ATP10B: variants seen among roughly 807,000 people sequenced by gnomAD.
ATP10B encodes the protein phospholipid-transporting ATPase VB.
ATP10B carries 122 observed loss-of-function variants against 141.2 expected under a neutral mutation model. The observed-to-expected ratio is 0.86, with a 90% CI of 0.75 to 1.00. The LOEUF is 1.00. ATP10B is among the 50% of genes least tolerant of loss of function. The probability of loss-of-function intolerance (pLI) is 0.00; values close to 1 mark genes in which losing one functional copy is unlikely to be tolerated. For missense variants in ATP10B, 1,876 were observed against 1,825.3 expected, an observed-to-expected ratio of 1.03 and a Z score of -0.51; for synonymous variants, 685 against 692.0, an observed-to-expected ratio of 0.99 and a Z score of 0.16.
intron 1 of ATP10B, among the ~76,000 whole-genome samples, chr5:160,823,308 A>T (rs1159149841): frequency 6.6e-6 from 1 of 151,956 alleles, no homozygotes; most frequent in Non-Finnish European, 1.5e-5. Flanking sequence ...CAAACAACAC[A>T]TGTTCATACT....
chr5:160,680,791 C>G (rs1242740654), intron 6 of ATP10B, among the ~76,000 whole-genome samples: 1 of 152,160 alleles, frequency 6.6e-6, no homozygotes, highest in Non-Finnish European at 1.5e-5. Flanking sequence ...AATCCCATCT[C>G]TTGCCCCTAG....
chr5:160,603,749 G>C, intron 20 of ATP10B: 2 of 526,756 alleles, frequency 3.8e-6, no homozygotes, highest in Non-Finnish European at 6.9e-6. Context: ...TAGCAGTCAA[G>C]TTAGTTTGCT....
chr5:160,619,339 A>G (rs545916667), intron 15 of ATP10B, among the ~76,000 whole-genome samples: 5 of 152,260 alleles, frequency 3.3e-5, no homozygotes, highest in African/African-American at 1.2e-4. Flanking sequence ...TGTGACTTCT[A>G]TTGAAGGCAT....
chr5:160,696,528 A>G (rs1764372237), intron 3 of ATP10B, among the ~76,000 whole-genome samples: 1 of 152,158 alleles, frequency 6.6e-6, no homozygotes, highest in Admixed American at 6.5e-5. Context: ...TTAAAATAAA[A>G]ACTCTTGATC....
At chr5:160,880,341 A>T in the ATP10B span, among the ~76,000 whole-genome samples, 1 of 151,440 alleles carries the variant, frequency 6.6e-6, no homozygotes, top group East Asian at 1.9e-4. Flanking sequence ...ATGGGTAGGA[A>T]AACTCAATGT....
intron 2 of ATP10B, among the ~76,000 whole-genome samples, chr5:160,760,818 A>G (rs1318307896): frequency 6.6e-6 from 1 of 152,086 alleles, no homozygotes; most frequent in Non-Finnish European, 1.5e-5. Context: ...ACATAACTCC[A>G]TTGGCCTGAG....
intron 1 of ATP10B, among the ~76,000 whole-genome samples, chr5:160,829,092 G>T (rs1188649220): frequency 6.6e-6 from 1 of 150,594 alleles, no homozygotes; most frequent in Non-Finnish European, 1.5e-5. Context: ...AGCATTAGGA[G>T]ATATACCTAA....
At chr5:160,777,727 A>G (rs1213286385) in intron 2 of ATP10B, among the ~76,000 whole-genome samples, 1 of 152,188 alleles carries the variant, frequency 6.6e-6, no homozygotes, top group Non-Finnish European at 1.5e-5. Flanking sequence ...AAAGCCAAGT[A>G]TTTTTCGAAA....
At chr5:160,737,385 TC>T (rs1228970181) in intron 2 of ATP10B, among the ~76,000 whole-genome samples, 3 of 152,122 alleles carry the variant, frequency 2.0e-5, no homozygotes, top group Non-Finnish European at 4.4e-5. Flanking sequence ...TTCAACACAG[TC>T]CTGGAAGTCC....
intron 24 of ATP10B, among the ~76,000 whole-genome samples, chr5:160,578,993 A>G (rs899291585): frequency 7.9e-5 from 12 of 152,250 alleles, no homozygotes; most frequent in Non-Finnish European, 4.4e-5. Flanking sequence ...TTTGAGAAGT[A>G]TCTGTTCATG....
At chr5:160,661,141 G>A (rs1377737566) in intron 7 of ATP10B, among the ~76,000 whole-genome samples, 2 of 151,948 alleles carry the variant, frequency 1.3e-5, no homozygotes, top group Admixed American at 6.6e-5. Flanking sequence ...AGCTGAGATC[G>A]CGCCATTGCA....
chr5:160,880,111 G>T, the ATP10B span, among the ~76,000 whole-genome samples: 2 of 143,920 alleles, frequency 1.4e-5, no homozygotes, highest in Non-Finnish European at 3.0e-5. Context: ...TATTATAAAA[G>T]AAATTATGTA....
At chr5:160,585,385 A>G (rs1401958121) in intron 24 of ATP10B, among the ~76,000 whole-genome samples, 1 of 152,214 alleles carries the variant, frequency 6.6e-6, no homozygotes, top group Non-Finnish European at 1.5e-5. Flanking sequence ...CGGGCGGATC[A>G]CGAGGTCAGG....
At chr5:160,579,366 C>T (rs1471595532) in intron 24 of ATP10B, among the ~76,000 whole-genome samples, 1 of 151,990 alleles carries the variant, frequency 6.6e-6, no homozygotes, top group African/African-American at 2.4e-5. Flanking sequence ...GGAAGGGGTC[C>T]AGTTTGTTTT....
chr5:160,878,577 C>G, the ATP10B span, among the ~76,000 whole-genome samples: 2 of 151,634 alleles, frequency 1.3e-5, no homozygotes, highest in Admixed American at 1.3e-4. Context: ...GCAAAAGAAA[C>G]TACCGTCAGA....
intron 24 of ATP10B, among the ~76,000 whole-genome samples, chr5:160,580,688 G>A (rs145356949): frequency 0.017 from 2,554 of 152,184 alleles, 72 homozygotes; most frequent in African/African-American, 0.057. Flanking sequence ...GAGTTAGGGA[G>A]GAGTCCCTCT....
At chr5:160,729,077 C>T (rs992134720) in intron 2 of ATP10B, among the ~76,000 whole-genome samples, 1 of 152,184 alleles carries the variant, frequency 6.6e-6, no homozygotes, top group Non-Finnish European at 1.5e-5. Flanking sequence ...CTCTCTTGGC[C>T]TCAGTTTGCA....
chr5:160,641,600 G>A (rs1046126195), intron 9 of ATP10B, among the ~76,000 whole-genome samples: 5 of 152,300 alleles, frequency 3.3e-5, no homozygotes, highest in African/African-American at 1.2e-4. Flanking sequence ...TGCCAGTGTA[G>A]TTCTCCTTTC....
chr5:160,670,408 T>C (rs1181449568), intron 7 of ATP10B, 55 bp downstream of exon 7: 1 of 1,577,378 alleles, frequency 6.3e-7, no homozygotes, highest in Non-Finnish European at 8.7e-7. Context: ...TCCAGTAGGG[T>C]AGGCTTGCAT....
Sources: gnomAD v4.1 joint callset for allele counts (sites outside exome capture counted in the v4.1 genomes callset) on GRCh38, gnomAD v4.1.1 for gene constraint, MANE v1.5 for transcripts, NCBI Gene and HGNC (gene_info 2026-07-23, HGNC 2026-07-21) for gene names.